Variants in FERMT3 observed in about 807,000 individuals in gnomAD.
The protein encoded by FERMT3 is fermitin family homolog 3.
A neutral mutation model predicts 80.8 loss-of-function variants in FERMT3; 33 were observed. That is an observed-to-expected ratio of 0.41 (90% confidence interval 0.31 to 0.55). The LOEUF (loss-of-function observed/expected upper bound fraction) is 0.55. Ranked by LOEUF, FERMT3 falls within the 20% of genes least tolerant of loss-of-function variation. The pLI is 0.31. For missense variants in FERMT3, 754 were observed against 908.7 expected, an observed-to-expected ratio of 0.83 and a Z score of 2.19; for synonymous variants, 375 against 372.2, an observed-to-expected ratio of 1.01 and a Z score of -0.09.
intron 6 of FERMT3, among the ~76,000 whole-genome samples, chr11:64,212,163 G>T (rs775228918): frequency 2.0e-5 from 3 of 152,180 alleles, no homozygotes; most frequent in Non-Finnish European, 2.9e-5. Context: ...GGACCTGGGG[G>T]TGGGTGAGGA....
chr11:64,209,162 G>A (rs563041018), intron 2 of FERMT3, among the ~76,000 whole-genome samples: 1 of 152,336 alleles, frequency 6.6e-6, no homozygotes, highest in South Asian at 2.1e-4. Context: ...AGCTGGTGAG[G>A]AGGGGGAGCT....
chr11:64,217,593 C>T (rs940182436), intron 6 of FERMT3, among the ~76,000 whole-genome samples: 1 of 152,186 alleles, frequency 6.6e-6, no homozygotes, highest in African/African-American at 2.4e-5. Flanking sequence ...CAACCCCCAC[C>T]CCGTCCAGCT....
In FERMT3 at chr11:64,211,372, A is replaced by G. The variant is rs760331933; in HGVS notation, c.612A>G (p.Pro204=). The G allele has an allele frequency of 2.5e-6, 4 of 1,609,246 alleles. No individual in the cohort carries two copies. ...ACATGCTGAGCCGGCCCCAGCCGCC[A>G]CCCGACCCCCTCCTGCTCCAGCGTC... ...CYHMLSRPQP[P]PDPLLLQRLP... is the part of the protein sequence containing the mutation. The change falls in exon 5 of 15, where the codon CCA becomes CCG. Residue 204 remains proline (P), a synonymous_variant. Transcript: ENST00000345728. This position sits in a 1 kb window ranked among gnomAD's most constrained non-coding sequence, Gnocchi z 4.7.
At chr11:64,222,535 AG>A in intron 13 of FERMT3, among the ~76,000 whole-genome samples, 1 of 145,938 alleles carries the variant, frequency 6.9e-6, no homozygotes, top group South Asian at 2.2e-4. Context: ...ACTGTACTCC[AG>A]CCTGGCAACA....
Position 64,219,424 on chromosome 11 carries a change from C to T in FERMT3, c.894+66C>T, listed in dbSNP as rs910455339. ...GAGCCAGTCCCAGGGCAGGAAGGGC[C>T]TTCCTGAGTGGGGGCTACCTCCAGG... is the stretch of plus-strand genomic sequence containing the variant. On this transcript the variant is annotated intron_variant, in intron 7 of 14. Transcript: ENST00000345728. This position sits in a 1 kb window ranked among gnomAD's most constrained non-coding sequence, Gnocchi z 4.0. 1.3e-6 allele frequency: 2 copies of T among 1,560,730 alleles called. No individual in the cohort carries two copies. The highest frequency in any genetic ancestry group is 2.4e-5 in the East Asian group (1 of 41,504).
intron 6 of FERMT3, among the ~76,000 whole-genome samples, chr11:64,216,224 T>A (rs1396731914): frequency 4.4e-5 from 6 of 137,322 alleles, no homozygotes; most frequent in African/African-American, 1.7e-4. Flanking sequence ...TGAGATGGAG[T>A]CTTCTTCTGT....
rs1946661941 is a variant in FERMT3, at chr11:64,220,681, CGTCA to C, written c.1545+14_1545+17del. 4 of 1,602,098 alleles carry C rather than the reference CGTCA, an allele frequency of 2.5e-6. No homozygotes were observed. The African/African-American group carries it at 4.0e-5, about 16-fold the overall frequency. On this transcript the variant is annotated intron_variant, in intron 12 of 14. Transcript: ENST00000345728. ...TCAAGGCCAAGCAGGTACCAGAAGGCGTCAGGGTGGGAATGAGCATAGTGTTTAC... is the reference window on the plus strand; with the variant it reads ...TCAAGGCCAAGCAGGTACCAGAAGGCGGGTGGGAATGAGCATAGTGTTTAC...
chr11:64,214,832 C>T (rs1476724752), intron 6 of FERMT3, among the ~76,000 whole-genome samples: 3 of 144,476 alleles, frequency 2.1e-5, no homozygotes, highest in Non-Finnish European at 4.5e-5. Context: ...GAGGGAGTTT[C>T]ATTCTTGTTG....
At chr11:64,208,632 A>G (rs1946370140) in intron 2 of FERMT3, among the ~76,000 whole-genome samples, 1 of 152,198 alleles carries the variant, frequency 6.6e-6, no homozygotes, top group Non-Finnish European at 1.5e-5. Flanking sequence ...GGGCGCTATC[A>G]TGGGGGCCTG....
At position 64,219,519 on chromosome 11, in the gene FERMT3, C is replaced by T. The variant is rs774974839; in HGVS notation, c.895-5C>T. 24 of 1,601,412 alleles carry T rather than the reference C, an allele frequency of 1.5e-5. No individual in the cohort carries two copies. Among genetic ancestry groups the T allele is most frequent in the Non-Finnish European group, 2.0e-5 (24 of 1,175,142 alleles). On this transcript the variant is annotated splice_polypyrimidine_tract_variant and splice_region_variant and intron_variant, in intron 7 of 14. Coordinates refer to ENST00000345728, the MANE Select transcript of FERMT3 (RefSeq NM_031471.6). This position sits in a 1 kb window ranked among gnomAD's most constrained non-coding sequence, Gnocchi z 4.0. The stretch of plus-strand genomic sequence containing the variant: ...TCAGCCCTCCCTGGCTTCATGACCA[C>T]CTAGTACCACATCAACAAGCTGTCC...
At chr11:64,222,284 A>AAATAAATAAAT (rs1565298131) in intron 13 of FERMT3, among the ~76,000 whole-genome samples, 1 of 137,166 alleles carries the variant, frequency 7.3e-6, no homozygotes. Flanking sequence ...AATAAATAAA[A>AAATAAATAAAT]GAGCCTGCGC....
chr11:64,222,996 C>G (rs1946747523), intron 13 of FERMT3, 52 bp from the exon 14 acceptor site: 1 of 1,610,140 alleles, frequency 6.2e-7, no homozygotes, highest in South Asian at 1.1e-5. Context: ...TCTGGGCGGG[C>G]TCTGGCCATG....
chr11:64,223,593 AC>A lies in FERMT3; in HGVS notation c.*104del. The A allele has an allele frequency of 7.2e-7, 1 of 1,395,916 alleles. No homozygotes were observed. Among genetic ancestry groups the A allele is most frequent in the Non-Finnish European group, 9.8e-7 (1 of 1,020,838 alleles). The allele number at this position is 1,395,916 out of a possible 1,614,324, so 86.5% of individuals were successfully genotyped here. On this transcript the variant is annotated 3_prime_UTR_variant, in exon 15 of 15. Transcript: ENST00000345728. The stretch of plus-strand genomic sequence containing the variant: ...TGCCCCACACCCGCTCCAGGCAGGC[AC>A]CCAGCTGGGCATTTCACCTGCTGTC...
At chr11:64,221,441 C>A (rs957227053) in intron 13 of FERMT3, among the ~76,000 whole-genome samples, 1 of 151,954 alleles carries the variant, frequency 6.6e-6, no homozygotes, top group African/African-American at 2.4e-5. Flanking sequence ...CCAGCCTGGG[C>A]AACACAGAAA....
chr11:64,220,958 G>A (rs905947946), intron 12 of FERMT3, 58 bp from the exon 13 acceptor site: 89 of 1,590,148 alleles, frequency 5.6e-5, no homozygotes, highest in Non-Finnish European at 7.0e-5. Flanking sequence ...GTGGGGGCTC[G>A]GTGACTCTGG....
rs1946337404 is a variant in FERMT3, at chr11:64,207,474, C to T, written c.110C>T (p.Thr37Ile). Residue 37 changes from threonine (T) to isoleucine (I), a missense_variant, in exon 2 of 15, where the codon ACT (threonine) becomes ATT (isoleucine). By Grantham distance (89) the Thr-to-Ile change is moderately conservative. Coordinates refer to ENST00000345728, the MANE Select transcript of FERMT3 (RefSeq NM_031471.6). ...GCCGAGTCGGTCACCCTGCGGGTCA[C>T]TGGGGAGTCGCACATCGGCGGGGTG... The part of the protein sequence containing the change: ...PEAESVTLRV[T>I]GESHIGGVLL... 3.1e-6 allele frequency: 5 copies of T among 1,613,826 alleles called. No individual in the cohort carries two copies. Among genetic ancestry groups the T allele is most frequent in the Middle Eastern group, 3.3e-4 (2 of 6,082 alleles).
chr11:64,206,214 G>A (rs1252371703), upstream of FERMT3, among the ~76,000 whole-genome samples: 1 of 152,188 alleles, frequency 6.6e-6, no homozygotes, highest in Non-Finnish European at 1.5e-5. Context: ...TGAGTTTGAA[G>A]GTAGCCCTAC....
chr11:64,222,122 C>T (rs1946699986), intron 13 of FERMT3, among the ~76,000 whole-genome samples: 1 of 150,798 alleles, frequency 6.6e-6, no homozygotes, highest in Non-Finnish European at 1.5e-5. Flanking sequence ...GCCTATAATC[C>T]CAGCTACTCG....
In FERMT3 at chr11:64,211,375, C is replaced by G; in HGVS notation, c.615C>G (p.Pro205=). The G allele has an allele frequency of 6.2e-7, 1 of 1,609,376 alleles. No individual in the cohort carries two copies. Among genetic ancestry groups the G allele is most frequent in the Non-Finnish European group, 8.5e-7 (1 of 1,178,586 alleles). ...TGCTGAGCCGGCCCCAGCCGCCACCCGACCCCCTCCTGCTCCAGCGTCTGC... is the reference window on the plus strand; with the variant it reads ...TGCTGAGCCGGCCCCAGCCGCCACCGGACCCCCTCCTGCTCCAGCGTCTGC... The part of the protein sequence containing the change: ...YHMLSRPQPP[P]DPLLLQRLPR... The change falls in exon 5 of 15, where the codon CCC becomes CCG. Residue 205 remains proline (P), a synonymous_variant. Coordinates refer to ENST00000345728, the MANE Select transcript of FERMT3 (RefSeq NM_031471.6). This position sits in a 1 kb window ranked among gnomAD's most constrained non-coding sequence, Gnocchi z 4.7.
Sources: allele counts gnomAD v4.1 joint callset (sites outside exome capture counted in the v4.1 genomes callset), GRCh38; gene constraint gnomAD v4.1.1; non-coding constraint Gnocchi (gnomAD v3.1); transcripts MANE v1.5; gene names NCBI Gene and HGNC (gene_info 2026-07-23, HGNC 2026-07-21).